The following CACNA1H variants were observed in gnomAD, a reference collection of about 807,000 sequenced individuals.
CACNA1H encodes voltage-dependent T-type calcium channel subunit alpha-1H.
A neutral mutation model predicts 192.5 loss-of-function variants in CACNA1H; 149 were observed. The ratio of observed to expected loss-of-function variants is 0.77; its 90% CI spans 0.68 to 0.89. The LOEUF (loss-of-function observed/expected upper bound fraction) is 0.89, where lower values mean the gene tolerates loss of function less well. Among genes scored for constraint, CACNA1H ranks in the 40% least tolerant of loss-of-function variants. CACNA1H has a pLI of 0.00. For synonymous variants in CACNA1H, 2,202 were observed against 1,475.2 expected, an observed-to-expected ratio of 1.49 and a Z score of -11.29; for missense variants, 4,257 against 3,423.5, an observed-to-expected ratio of 1.24 and a Z score of -6.08.
intron 2 of CACNA1H, among the ~76,000 whole-genome samples, chr16:1,162,440 C>G (rs779724679): frequency 3.3e-5 from 5 of 152,174 alleles, no homozygotes; most frequent in Admixed American, 6.5e-5. Context: ...GGAGTCAGCC[C>G]CTTTCAGGAT....
At position 1,177,425 on chromosome 16, in the gene CACNA1H, C is replaced by A. The variant is rs377065243; in HGVS notation, c.300-17547C>A. 4.6e-5 allele frequency among the ~76,000 whole-genome samples: 7 copies of A among 152,342 alleles called. No individual in the cohort carries two copies. In the East Asian group the frequency reaches 1.4e-3, roughly 29 times the overall value. ...GGCGTCTGACCGAGGCCCACCCTGC[C>A]GTCGCCCCGGAGTCCCCCAAGCTGG... On this transcript the variant is annotated intron_variant, in intron 2 of 34. Coordinates refer to ENST00000348261, the MANE Select transcript of CACNA1H (RefSeq NM_021098.3).
chr16:1,185,514 C>CCCCCCAG (rs1965908092), intron 2 of CACNA1H, among the ~76,000 whole-genome samples: 1 of 142,384 alleles, frequency 7.0e-6, no homozygotes, highest in African/African-American at 2.6e-5. Flanking sequence ...CCCCCCCCGC[C>CCCCCCAG]GAGTCTGCTT....
chr16:1,198,224 A>G (rs1195845929), intron 5 of CACNA1H, among the ~76,000 whole-genome samples: 1 of 152,082 alleles, frequency 6.6e-6, no homozygotes, highest in Non-Finnish European at 1.5e-5. Flanking sequence ...GGTCATCCCG[A>G]GCCCGAGATG....
chr16:1,196,848 C>T (rs530929926), intron 5 of CACNA1H, among the ~76,000 whole-genome samples: 1 of 152,156 alleles, frequency 6.6e-6, no homozygotes, highest in Admixed American at 6.5e-5. Context: ...GCACTCAGGG[C>T]TACATTCAAC....
chr16:1,221,690 A>G lies in CACNA1H; in HGVS notation c.*696A>G. ...TTTTAAATTCAGGTTAAATGTTGCA[A>G]TAATCTGATGCAGAAGACTCAGCTT... On this transcript the variant is annotated 3_prime_UTR_variant, in exon 35 of 35. Transcript: ENST00000348261. The G allele has an allele frequency of 1.6e-6, 2 of 1,227,926 alleles. No homozygotes were observed. The highest frequency in any genetic ancestry group is 1.1e-6 in the Non-Finnish European group (1 of 895,714). The allele number at this position is 1,227,926 out of a possible 1,614,324, so 76.1% of individuals were successfully genotyped here.
At chr16:1,173,992 G>A (rs1964621359) in intron 2 of CACNA1H, among the ~76,000 whole-genome samples, 1 of 152,234 alleles carries the variant, frequency 6.6e-6, no homozygotes, top group African/African-American at 2.4e-5. Context: ...TGTGGGCATT[G>A]ACCTGCGTGC....
Position 1,218,421 on chromosome 16 carries a change from AGG to A in CACNA1H, c.5659_5660del (p.Gly1887ProfsTer142). ...GCCGAGATCGAGCTGGAGATGGCGC[AGG>A]GCCCCGGGAGTGCACGCCGGGTGGA... On this transcript the variant is annotated frameshift_variant, in exon 33 of 35. Coordinates refer to ENST00000348261, the MANE Select transcript of CACNA1H (RefSeq NM_021098.3). LOFTEE classifies it high-confidence loss of function. 6.4e-7 allele frequency: 1 copy of A among 1,554,214 alleles called. No individual in the cohort carries two copies.
At chr16:1,216,209 C>T (rs1363916573) in intron 30 of CACNA1H, among the ~76,000 whole-genome samples, 1 of 152,218 alleles carries the variant, frequency 6.6e-6, no homozygotes, top group Non-Finnish European at 1.5e-5. Flanking sequence ...GTCCCTGCGC[C>T]ATCTGTCACT....
chr16:1,220,448 C>T lies in CACNA1H; in HGVS notation c.6516C>T (p.Gly2172=), dbSNP rs1486095491. The change falls in exon 35 of 35, where the codon GGC becomes GGT. Residue 2172 remains glycine (G), a synonymous_variant. Coordinates refer to ENST00000348261, the MANE Select transcript of CACNA1H (RefSeq NM_021098.3). The part of the protein sequence containing the change: ...SGEPGEAKAW[G]PEAEPALGAR... ...AGCCTGGGGAGGCGAAGGCCTGGGG[C>T]CCTGAGGCCGAGCCCGCTCTGGGTG... 5 of 1,540,908 alleles carry T rather than the reference C, an allele frequency of 3.2e-6. No homozygotes were observed. The highest frequency in any genetic ancestry group is 1.4e-5 in the African/African-American group (1 of 71,578).
intron 2 of CACNA1H, among the ~76,000 whole-genome samples, chr16:1,183,316 C>T (rs114049127): frequency 0.011 from 1,644 of 152,294 alleles, 38 homozygotes; most frequent in African/African-American, 0.037. Flanking sequence ...GACCTCACCC[C>T]TTCCTGAGTT....
At chr16:1,191,354 C>G (rs1380948977) in intron 2 of CACNA1H, among the ~76,000 whole-genome samples, 1 of 105,100 alleles carries the variant, frequency 9.5e-6, no homozygotes, top group Admixed American at 8.8e-5. Context: ...GGTCTCTGAC[C>G]CAGCAGGCTG....
chr16:1,202,900 CAG>C (rs1968154969), intron 9 of CACNA1H, among the ~76,000 whole-genome samples: 1 of 152,006 alleles, frequency 6.6e-6, no homozygotes, highest in African/African-American at 2.4e-5. Flanking sequence ...GGCACCGTCG[CAG>C]AGTCACCGAG....
rs926174386 is a variant in CACNA1H, at chr16:1,199,515, C to T, written c.803+741C>T. ...GGTCATTGCACATATGTCCCACCCC[C>T]AGTGCTGCCACCTCTCAGCCCCCAA... On this transcript the variant is annotated intron_variant, in intron 6 of 34. Transcript: ENST00000348261. Among the ~76,000 whole-genome samples, 6 of 149,132 alleles carry T rather than the reference C, an allele frequency of 4.0e-5. 1 individual carries two copies. The highest frequency in any genetic ancestry group is 2.1e-4 in the South Asian group (1 of 4,666).
intron 2 of CACNA1H, among the ~76,000 whole-genome samples, chr16:1,174,657 C>G (rs1037228145): frequency 3.9e-5 from 6 of 152,172 alleles, no homozygotes; most frequent in Non-Finnish European, 5.9e-5. Context: ...GTCCAGCCCC[C>G]AGCTGGGAGA....
At chr16:1,173,413 G>T (rs975725402) in intron 2 of CACNA1H, among the ~76,000 whole-genome samples, 2 of 152,344 alleles carry the variant, frequency 1.3e-5, no homozygotes, top group East Asian at 3.9e-4. Flanking sequence ...GCCCCTTCAC[G>T]CTGGTGCGGA....
At chr16:1,165,193 C>T (rs113584395) in intron 2 of CACNA1H, among the ~76,000 whole-genome samples, 1,818 of 152,060 alleles carry the variant, frequency 0.012, 19 homozygotes, top group Non-Finnish European at 0.018. Flanking sequence ...GCTGGGGAGA[C>T]GGGGGGAAGA....
intron 27 of CACNA1H, among the ~76,000 whole-genome samples, chr16:1,214,233 G>A (rs573684352): frequency 4.6e-5 from 7 of 152,318 alleles, no homozygotes; most frequent in South Asian, 2.1e-4. Context: ...GGGGAGGGGC[G>A]GGAGCCAGGC....
At chr16:1,190,093 C>G (rs553293910) in intron 2 of CACNA1H, among the ~76,000 whole-genome samples, 1 of 152,150 alleles carries the variant, frequency 6.6e-6, no homozygotes, top group East Asian at 1.9e-4. Flanking sequence ...GTGGAGGCTC[C>G]CTGCCTGAGG....
chr16:1,169,066 G>A (rs958427956), intron 2 of CACNA1H, among the ~76,000 whole-genome samples: 2 of 151,896 alleles, frequency 1.3e-5, no homozygotes, highest in African/African-American at 4.8e-5. Flanking sequence ...CTTGGCAACA[G>A]GAGATGGAGG....
Sources: allele counts gnomAD v4.1 joint callset (sites outside exome capture counted in the v4.1 genomes callset), GRCh38; gene constraint gnomAD v4.1.1; transcripts MANE v1.5; gene names NCBI Gene and HGNC (gene_info 2026-07-23, HGNC 2026-07-21).